Variants in RGS7 observed in about 807,000 individuals in gnomAD.
The protein encoded by RGS7 is regulator of G protein signaling 7.
A neutral mutation model predicts 81.1 loss-of-function variants in RGS7; 27 were observed. That is an observed-to-expected ratio of 0.33 (90% CI 0.25 to 0.46). The LOEUF (loss-of-function observed/expected upper bound fraction) is 0.46. Among genes scored for constraint, RGS7 ranks in the 20% least tolerant of loss-of-function variants. The pLI is 1.00. For missense variants in RGS7, 396 were observed against 607.4 expected (o/e 0.65, Z 3.66); for synonymous variants, 208 against 207.7 (o/e 1.00, Z -0.01).
chr1:241,062,594 A>G (rs1466276111), intron 3 of RGS7, among the ~76,000 whole-genome samples: 1 of 151,996 alleles, frequency 6.6e-6, no homozygotes, highest in Non-Finnish European at 1.5e-5. Flanking sequence ...TTTTCCCCAG[A>G]CTCTGCAGTT....
At chr1:241,018,336 A>AT (rs1231800373) in intron 3 of RGS7, among the ~76,000 whole-genome samples, 1 of 151,470 alleles carries the variant, frequency 6.6e-6, no homozygotes, top group African/African-American at 2.4e-5. Flanking sequence ...ATGCCTTGTA[A>AT]TTTTTTGTTG....
chr1:240,783,650 A>G (rs1199846736), intron 18 of RGS7, among the ~76,000 whole-genome samples: 1 of 151,816 alleles, frequency 6.6e-6, no homozygotes, highest in Non-Finnish European at 1.5e-5. Context: ...AAAAATAAAA[A>G]AAAATCGTTC....
chr1:241,288,623 C>T (rs1371953361), intron 2 of RGS7, among the ~76,000 whole-genome samples: 1 of 152,138 alleles, frequency 6.6e-6, no homozygotes, highest in African/African-American at 2.4e-5. Context: ...CTGCAGAGCC[C>T]ACGGTTATCT....
At position 240,793,609 on chromosome 1, in the gene RGS7, A is replaced by ATT. The variant is rs1254356744; in HGVS notation, c.*6+7031_*6+7032insAA. ...GGAATATATATATATATATATATAT[A>ATT]TATTTTTTTTTTTTTTTTGAGACAG... On this transcript the variant is annotated intron_variant, in intron 18 of 18. Coordinates refer to ENST00000440928, the MANE Select transcript of RGS7 (RefSeq NM_001364886.1). Among the ~76,000 whole-genome samples the ATT allele has an allele frequency of 6.4e-4, 56 of 87,022 alleles. 1 individual carries two copies. The highest frequency in any genetic ancestry group is 2.9e-3 in the African/African-American group (39 of 13,420). 57.1% of individuals were successfully genotyped at this position (87,022 alleles called of 152,430 possible).
intron 3 of RGS7, among the ~76,000 whole-genome samples, chr1:241,093,208 C>T (rs1053572634): frequency 6.6e-6 from 1 of 151,970 alleles, no homozygotes; most frequent in African/African-American, 2.4e-5. Flanking sequence ...GGCTTTGATA[C>T]TATTATACTC....
At chr1:240,962,411 C>A (rs1271697020) in intron 4 of RGS7, among the ~76,000 whole-genome samples, 1 of 152,092 alleles carries the variant, frequency 6.6e-6, no homozygotes, top group African/African-American at 2.4e-5. Flanking sequence ...TCCTTTGTTT[C>A]TCTCTATATT....
intron 4 of RGS7, among the ~76,000 whole-genome samples, chr1:240,975,806 T>C (rs1349923523): frequency 1.3e-5 from 2 of 152,270 alleles, no homozygotes; most frequent in African/African-American, 4.8e-5. Context: ...ACCCGAAGGA[T>C]AGTAGGACTT....
intron 2 of RGS7, among the ~76,000 whole-genome samples, chr1:241,125,427 GACACACACACAC>G (rs59757330): frequency 4.7e-5 from 7 of 149,242 alleles, no homozygotes; most frequent in South Asian, 2.2e-4. Context: ...CAAAGACATG[GACACACACACAC>G]ACACACACAC....
At chr1:241,125,539 C>A (rs748116738) in intron 2 of RGS7, among the ~76,000 whole-genome samples, 1 of 152,130 alleles carries the variant, frequency 6.6e-6, no homozygotes, top group Non-Finnish European at 1.5e-5. Flanking sequence ...TCCCACTCAG[C>A]TTTCAGCTTC....
rs141519101 is a variant in RGS7 at position 241,167,393 on chromosome 1, T to C, written c.79-68631A>G. Among the ~76,000 whole-genome samples, 75 of 152,292 alleles carry C rather than the reference T, an allele frequency of 4.9e-4. 1 individual carries two copies. In the East Asian group the frequency reaches 0.013, roughly 26 times the overall value. On this transcript the variant is annotated intron_variant, in intron 2 of 18. Transcript: ENST00000440928. ...ACGCCACCTGGGATAAATGCCAAATTTCCCAGCCTGCCTTGAGATCCGGTG... is the reference window on the plus strand; with the variant it reads ...ACGCCACCTGGGATAAATGCCAAATCTCCCAGCCTGCCTTGAGATCCGGTG...
At chr1:240,972,403 G>A (rs976371676) in intron 4 of RGS7, among the ~76,000 whole-genome samples, 2 of 148,394 alleles carry the variant, frequency 1.3e-5, no homozygotes, top group Non-Finnish European at 3.0e-5. Flanking sequence ...GTAGGGACAT[G>A]GATGAAATTG....
At chr1:241,220,931 AAAGGAAGGAAGGAAGAAGCAAGG>A (rs2074858316) in intron 2 of RGS7, among the ~76,000 whole-genome samples, 1 of 146,584 alleles carries the variant, frequency 6.8e-6, no homozygotes, top group African/African-American at 2.5e-5. Context: ...AGAAAGGAAG[AAAGGAAGGAAGGAAGAAGCAAGG>A]AAGGAAGGAA....
chr1:241,276,837 T>C (rs7522572), intron 2 of RGS7, among the ~76,000 whole-genome samples: 18,789 of 152,264 alleles, frequency 0.12, 1,303 homozygotes, highest in Middle Eastern at 0.17. Context: ...GAATTTTTCT[T>C]GAATAAACAA....
chr1:241,051,436 C>T (rs137859856), intron 3 of RGS7, among the ~76,000 whole-genome samples: 228 of 148,618 alleles, frequency 1.5e-3, no homozygotes, highest in South Asian at 5.3e-3. Flanking sequence ...TTGAAAGGAA[C>T]CCCTGAAAAA....
intron 6 of RGS7, among the ~76,000 whole-genome samples, chr1:240,877,426 T>A (rs1448674684): frequency 6.6e-6 from 1 of 151,736 alleles, no homozygotes; most frequent in Admixed American, 6.6e-5. Flanking sequence ...ATACATCTGC[T>A]AATACACATA....
At position 241,000,028 on chromosome 1, in the gene RGS7, C is replaced by T. The variant is rs1572197222; in HGVS notation, c.176-16899G>A. Among the ~76,000 whole-genome samples the T allele has an allele frequency of 2.0e-5, 3 of 152,156 alleles. No homozygotes were observed. The South Asian group carries it at 6.2e-4, about 31-fold the overall frequency. On this transcript the variant is annotated intron_variant, in intron 3 of 18. Coordinates refer to ENST00000440928, the MANE Select transcript of RGS7 (RefSeq NM_001364886.1). ...GGAAATGCTGTTTCATGACCACCTG[C>T]TGAGGGTAGAAATTTGACACTGCAG...
intron 2 of RGS7, among the ~76,000 whole-genome samples, chr1:241,230,330 C>T (rs1035014736): frequency 1.3e-5 from 2 of 152,118 alleles, no homozygotes; most frequent in African/African-American, 4.8e-5. Context: ...TCTTGTGCCT[C>T]AGCCTCCTGA....
chr1:241,315,261 T>C (rs748985416), intron 2 of RGS7, among the ~76,000 whole-genome samples: 1 of 151,758 alleles, frequency 6.6e-6, no homozygotes, highest in Non-Finnish European at 1.5e-5. Flanking sequence ...CTTGAATTAT[T>C]TGAAGTTGAA....
chr1:241,241,603 G>A (rs952860446), intron 2 of RGS7, among the ~76,000 whole-genome samples: 3 of 152,024 alleles, frequency 2.0e-5, no homozygotes, highest in Non-Finnish European at 2.9e-5. Context: ...AACCAGAGCT[G>A]TGTCACACTT....
Sources: gnomAD v4.1 joint callset for allele counts (sites outside exome capture counted in the v4.1 genomes callset) on GRCh38, gnomAD v4.1.1 for gene constraint, MANE v1.5 for transcripts, NCBI Gene and HGNC (gene_info 2026-07-23, HGNC 2026-07-21) for gene names.